Variants in TNFAIP2 observed in about 807,000 individuals in gnomAD.
TNFAIP2 encodes the protein TNF alpha induced protein 2.
A neutral mutation model predicts 63.5 loss-of-function variants in TNFAIP2; 47 were observed. That is an observed-to-expected ratio of 0.74 (90% CI 0.59 to 0.94). TNFAIP2 has a LOEUF of 0.94. Ranked by LOEUF, TNFAIP2 falls within the 40% of genes least tolerant of loss-of-function variation. The pLI, the probability that TNFAIP2 is intolerant of heterozygous loss-of-function variation, is 0.00. For missense variants in TNFAIP2, 787 were observed against 850.2 expected, an observed-to-expected ratio of 0.93 and a Z score of 0.92; for synonymous variants, 405 against 390.2, an observed-to-expected ratio of 1.04 and a Z score of -0.45.
Position 103,131,667 on chromosome 14 carries a change from C to T in TNFAIP2, c.1327C>T (p.Pro443Ser), listed in dbSNP as rs777555606. Residue 443 changes from proline (P) to serine (S), a missense_variant, in exon 8 of 12, where the codon CCC becomes TCC. Around this residue, in one of 3 missense-constraint regions of TNFAIP2, gnomAD observed 523 missense variants for 604.1 expected, o/e 0.87. Transcript: ENST00000560869. The surrounding 1 kb of genome is among the most constrained non-coding windows in gnomAD (Gnocchi z 4.0). ...GTCCATGGAGCAGAATTGGCAGGTA[C>T]CCCAGGACACCCTGAGCCTCCTGCT... is the stretch of plus-strand genomic sequence containing the variant. ...RMSMEQNWQV[P>S]QDTLSLLLGP... The T allele has an allele frequency of 2.5e-6, 4 of 1,601,374 alleles. No individual in the cohort carries two copies. In the South Asian group the frequency reaches 4.4e-5, roughly 18 times the overall value.
rs774010556 is a variant in TNFAIP2 at position 103,132,787 on chromosome 14, C to G, written c.1460C>G (p.Ala487Gly). 35 of 1,613,904 alleles carry G rather than the reference C, an allele frequency of 2.2e-5. No homozygotes were observed. The Middle Eastern group carries it at 9.9e-4, about 46-fold the overall frequency. ...FKRFTHTRWA[A>G]PVETLENIIA... ...AGGTTCACGCACACCCGCTGGGCGG[C>G]CCCTGTGGAGACCCTGGAAAACATC... The change falls in exon 9 of 12, where the codon GCC becomes GGC. Residue 487 changes from alanine (A) to glycine (G), a missense_variant. Transcript: ENST00000560869.
At chr14:103,133,314 TC>T (rs1373604935) in intron 9 of TNFAIP2, 47 bp from the exon 10 acceptor site, 1 of 1,592,486 alleles carries the variant, frequency 6.3e-7, no homozygotes, top group Non-Finnish European at 8.6e-7. Context: ...GGTGGCGAGC[TC>T]CCCATCAGCA....
At position 103,135,705 on chromosome 14, in the gene TNFAIP2, C is replaced by T. The variant is rs953268790; in HGVS notation, c.*345C>T. 8.0e-6 allele frequency: 10 copies of T among 1,247,676 alleles called. No individual in the cohort carries two copies. The highest frequency in any genetic ancestry group is 1.0e-5 in the Non-Finnish European group (10 of 977,454). 77.3% of individuals were successfully genotyped at this position (1,247,676 alleles called of 1,614,324 possible). A position where few individuals can be genotyped will look rare whatever the true frequency, so the allele number is the denominator to read the frequency against. On this transcript the variant is annotated 3_prime_UTR_variant, in exon 12 of 12. Coordinates refer to ENST00000560869, the MANE Select transcript of TNFAIP2 (RefSeq NM_006291.4). The surrounding 1 kb of genome is among the most constrained non-coding windows in gnomAD (Gnocchi z 7.6). ...TCCCCGGACACCTCTGTCCAGAGCCCCTCCACAGTCGGCCTCATGACTGTC... is the reference window on the plus strand; with the variant it reads ...TCCCCGGACACCTCTGTCCAGAGCCTCTCCACAGTCGGCCTCATGACTGTC...
Position 103,137,375 on chromosome 14 carries a change from T to A in TNFAIP2, c.*2015T>A, listed in dbSNP as rs2088114784. The stretch of plus-strand genomic sequence containing the variant: ...TAATAATTATTTTTTAGAGTACTGC[T>A]TTTGTATGTATGTTGAACAGGATCC... On this transcript the variant is annotated 3_prime_UTR_variant, in exon 12 of 12. Transcript: ENST00000560869. The A allele has an allele frequency of 6.6e-6, 1 of 152,248 alleles. No homozygotes were observed. The allele number at this position is 152,248 out of a possible 1,614,324, so 9.4% of individuals were successfully genotyped here.
At position 103,127,150 on chromosome 14, in the gene TNFAIP2, G is replaced by A. The variant is rs1241195732; in HGVS notation, c.381G>A (p.Ala127=). 3 of 1,110,388 alleles carry A rather than the reference G, an allele frequency of 2.7e-6. No individual in the cohort carries two copies. The highest frequency in any genetic ancestry group is 3.3e-6 in the Non-Finnish European group (3 of 907,986). The allele number at this position is 1,110,388 out of a possible 1,614,324, so 68.8% of individuals were successfully genotyped here. ...TGCGGCGCCAGAGCAAGGTGGAGGC[G>A]CTGTACGAGCTGCTGCGCGACCAGG... is the stretch of plus-strand genomic sequence containing the variant. ...ELVRRQSKVE[A]LYELLRDQVL... The change falls in exon 3 of 12, where the codon GCG becomes GCA. Residue 127 remains alanine (A), a synonymous_variant. Transcript: ENST00000560869. The surrounding 1 kb of genome is among the most constrained non-coding windows in gnomAD (Gnocchi z 5.1).
chr14:103,124,208 G>A (rs2139542857), intron 1 of TNFAIP2, among the ~76,000 whole-genome samples: 1 of 152,372 alleles, frequency 6.6e-6, no homozygotes, highest in Non-Finnish European at 1.5e-5. Flanking sequence ...GCACTTGGCT[G>A]TGCGGTTTGG....
intron 5 of TNFAIP2, 46 bp downstream of exon 5, chr14:103,130,170 A>T: frequency 1.3e-6 from 2 of 1,593,040 alleles, no homozygotes; most frequent in Non-Finnish European, 1.7e-6. Flanking sequence ...GTGCACGTGC[A>T]TGGGGAGCCC....
At position 103,126,464 on chromosome 14, in the gene TNFAIP2, G is replaced by A. The variant is rs1163376071; in HGVS notation, c.7G>A (p.Glu3Lys). MS[E>K]ASSEDLVPPL... ...GGCAGAGTCAGAGGCCTCCATGTCG[G>A]AGGCCTCCTCTGAGGACCTGGTGCC... Residue 3 changes from glutamate (E) to lysine (K), a missense_variant, in exon 2 of 12, where the codon GAG (glutamate) becomes AAG (lysine). Physicochemically the swap from Glu to Lys is moderately conservative, Grantham distance 56 (BLOSUM62 1). Coordinates refer to ENST00000560869, the MANE Select transcript of TNFAIP2 (RefSeq NM_006291.4). The A allele has an allele frequency of 5.0e-6, 8 of 1,587,902 alleles. No homozygotes were observed. The highest frequency in any genetic ancestry group is 6.8e-6 in the Non-Finnish European group (8 of 1,169,946).
At position 103,131,289 on chromosome 14, in the gene TNFAIP2, C is replaced by T. The variant is rs901360564; in HGVS notation, c.1298+139C>T. 4.1e-5 allele frequency: 37 copies of T among 893,438 alleles called. No individual in the cohort carries two copies. In the South Asian group the frequency reaches 5.7e-4, roughly 14 times the overall value. The allele number at this position is 893,438 out of a possible 1,614,324, so 55.3% of individuals were successfully genotyped here. A position where few individuals can be genotyped will look rare whatever the true frequency, so the allele number is the denominator to read the frequency against. ...AGCAACATGTGTGAGGACTCCACGG[C>T]CTGCAGCAGCAGCAGCAAACATTTC... On this transcript the variant is annotated intron_variant, in intron 7 of 11. Transcript: ENST00000560869. The surrounding 1 kb of genome is among the most constrained non-coding windows in gnomAD (Gnocchi z 4.0).
Position 103,135,980 on chromosome 14 carries a change from G to C in TNFAIP2, c.*620G>C. On this transcript the variant is annotated 3_prime_UTR_variant, in exon 12 of 12. Transcript: ENST00000560869. The surrounding 1 kb of genome is among the most constrained non-coding windows in gnomAD (Gnocchi z 7.6). The stretch of plus-strand genomic sequence containing the variant: ...CCAGGTGGCCCCACGGCCCCTACAG[G>C]CTGGCCCTGCAATGGGGCCCTGAGC... 1 of 1,289,258 alleles carries C rather than the reference G, an allele frequency of 7.8e-7. No individual in the cohort carries two copies. Among genetic ancestry groups the C allele is most frequent in the Non-Finnish European group, 1.0e-6 (1 of 988,842 alleles). 79.9% of individuals were successfully genotyped at this position (1,289,258 alleles called of 1,614,324 possible).
chr14:103,124,915 T>C (rs2087822530), intron 1 of TNFAIP2, among the ~76,000 whole-genome samples: 1 of 152,214 alleles, frequency 6.6e-6, no homozygotes, highest in African/African-American at 2.4e-5. Flanking sequence ...CCAGGCTTCC[T>C]GTCCCTCAGG....
rs1380094974 is a variant in TNFAIP2, at chr14:103,131,292, G to A, written c.1298+142G>A. 4 of 822,802 alleles carry A rather than the reference G, an allele frequency of 4.9e-6. No homozygotes were observed. Among genetic ancestry groups the A allele is most frequent in the Admixed American group, 4.7e-5 (2 of 42,754 alleles). The allele number at this position is 822,802 out of a possible 1,614,324, so 51.0% of individuals were successfully genotyped here. A position where few individuals can be genotyped will look rare whatever the true frequency, so the allele number is the denominator to read the frequency against. On this transcript the variant is annotated intron_variant, in intron 7 of 11. Transcript: ENST00000560869. The surrounding 1 kb of genome is among the most constrained non-coding windows in gnomAD (Gnocchi z 4.0). ...AACATGTGTGAGGACTCCACGGCCT[G>A]CAGCAGCAGCAGCAAACATTTCCCA...
Position 103,137,345 on chromosome 14 carries a change from T to C in TNFAIP2, c.*1985T>C, listed in dbSNP as rs572604690. ...GAGTTAGCGTGTTTGATATTGTTAA[T>C]ATAATAATAATTATTTTTTAGAGTA... On this transcript the variant is annotated 3_prime_UTR_variant, in exon 12 of 12. Transcript: ENST00000560869. 1 of 152,370 alleles carries C rather than the reference T, an allele frequency of 6.6e-6. No homozygotes were observed. The highest frequency in any genetic ancestry group is 2.4e-5 in the African/African-American group (1 of 41,582). 9.4% of individuals were successfully genotyped at this position (152,370 alleles called of 1,614,324 possible).
chr14:103,133,164 G>A (rs989537049), intron 9 of TNFAIP2, among the ~76,000 whole-genome samples, 198 bp from the exon 10 acceptor site: 15 of 148,496 alleles, frequency 1.0e-4, no homozygotes, highest in African/African-American at 3.6e-4. Context: ...GTGAACACGT[G>A]AACGCATGCA....
chr14:103,135,481 C>T lies in TNFAIP2; in HGVS notation c.*121C>T. 9 of 1,503,464 alleles carry T rather than the reference C, an allele frequency of 6.0e-6. No individual in the cohort carries two copies. The highest frequency in any genetic ancestry group is 7.9e-6 in the Non-Finnish European group (9 of 1,135,734). 93.1% of individuals were successfully genotyped at this position (1,503,464 alleles called of 1,614,324 possible). A position where few individuals can be genotyped will look rare whatever the true frequency, so the allele number is the denominator to read the frequency against. On this transcript the variant is annotated 3_prime_UTR_variant, in exon 12 of 12. Transcript: ENST00000560869. This position sits in a 1 kb window ranked among gnomAD's most constrained non-coding sequence, Gnocchi z 7.6. ...CCGGGTCTCCTGTGCTCTGATGCTACTTCTGCCTAGCCCTGGCGGAGGTGC... is the reference window on the plus strand; with the variant it reads ...CCGGGTCTCCTGTGCTCTGATGCTATTTCTGCCTAGCCCTGGCGGAGGTGC...
intron 1 of TNFAIP2, among the ~76,000 whole-genome samples, chr14:103,125,629 C>T (rs1393207464): frequency 1.3e-5 from 2 of 152,192 alleles, no homozygotes; most frequent in Non-Finnish European, 2.9e-5. Flanking sequence ...CTTCAGGCCG[C>T]CCTGTGACTT....
rs1219237980 is a variant in TNFAIP2 at position 103,135,779 on chromosome 14, G to C, written c.*419G>C. The C allele has an allele frequency of 7.7e-7, 1 of 1,291,894 alleles. No homozygotes were observed. The highest frequency in any genetic ancestry group is 2.3e-5 in the Admixed American group (1 of 43,306). The allele number at this position is 1,291,894 out of a possible 1,614,324, so 80.0% of individuals were successfully genotyped here. ...CCCTCTTCAGCTCTCTGGAGACAGG[G>C]GCCGAGCCTCACCCATCTGCCCTCT... is the stretch of plus-strand genomic sequence containing the variant. On this transcript the variant is annotated 3_prime_UTR_variant, in exon 12 of 12. Transcript: ENST00000560869. The surrounding 1 kb of genome is among the most constrained non-coding windows in gnomAD (Gnocchi z 7.6).
At chr14:103,122,427 G>T (rs1038815875), upstream of TNFAIP2, among the ~76,000 whole-genome samples, 2 of 152,242 alleles carry the variant, frequency 1.3e-5, no homozygotes, top group Non-Finnish European at 2.9e-5. Context: ...AGAGGCCCCA[G>T]TGAGGCAGGA....
rs774042949 is a variant in TNFAIP2 at position 103,127,408 on chromosome 14, C to G, written c.639C>G (p.Pro213=). ...GQRPAAGAEV[P]ESVFLHLGRT... Reference sequence around the variant, plus strand: ...GGCCGGCCGCGGGCGCCGAGGTCCCCGAGAGCGTCTTTCTGCACTTGGGCC... The same window carrying G: ...GGCCGGCCGCGGGCGCCGAGGTCCCGGAGAGCGTCTTTCTGCACTTGGGCC... Residue 213 remains proline, a synonymous_variant, in exon 3 of 12, where the codon CCC becomes CCG. Coordinates refer to ENST00000560869, the MANE Select transcript of TNFAIP2 (RefSeq NM_006291.4). This position sits in a 1 kb window ranked among gnomAD's most constrained non-coding sequence, Gnocchi z 5.1. The G allele has an allele frequency of 6.4e-7, 1 of 1,562,172 alleles. No homozygotes were observed. Among genetic ancestry groups the G allele is most frequent in the East Asian group, 2.3e-5 (1 of 43,092 alleles).
Sources: gnomAD v4.1 joint callset for allele counts (sites outside exome capture counted in the v4.1 genomes callset) on GRCh38, gnomAD v4.1.1 for gene constraint, gnomAD v4.1.1 regional missense constraint, Gnocchi (gnomAD v3.1) non-coding constraint, MANE v1.5 for transcripts, NCBI Gene and HGNC (gene_info 2026-07-23, HGNC 2026-07-21) for gene names.